SULF1: variants seen among roughly 807,000 people sequenced by gnomAD.
SULF1 encodes the protein sulfatase 1.
Under a neutral mutation model 110.5 loss-of-function variants are expected in SULF1, and 46 were observed. The ratio of observed to expected loss-of-function variants is 0.42; its 90% CI spans 0.33 to 0.53. The LOEUF (loss-of-function observed/expected upper bound fraction) is 0.53, where lower values mean the gene tolerates loss of function less well. Among genes scored for constraint, SULF1 ranks in the 20% least tolerant of loss-of-function variants. The pLI is 0.12. For synonymous variants in SULF1, 371 were observed against 387.1 expected (o/e 0.96, Z 0.49); for missense variants, 941 against 1,094.2 (o/e 0.86, Z 1.98).
In SULF1 at chr8:69,640,800, T is replaced by C. The variant is rs778154579; in HGVS notation, c.2552-8T>C. On this transcript the variant is annotated splice_region_variant and splice_polypyrimidine_tract_variant and intron_variant, in intron 21 of 22. Coordinates refer to ENST00000402687, the MANE Select transcript of SULF1 (RefSeq NM_001128205.2). ...AACAGAAATTACTCTTGTATTTTCC[T>C]ATATCAGGAAATAAAGATGGAGGAA... The C allele has an allele frequency of 6.2e-7, 1 of 1,611,170 alleles. No homozygotes were observed. Among genetic ancestry groups the C allele is most frequent in the Admixed American group, 1.7e-5 (1 of 59,486 alleles).
intron 3 of SULF1, among the ~76,000 whole-genome samples, chr8:69,521,150 A>G (rs1803112970): frequency 6.6e-6 from 1 of 152,198 alleles, no homozygotes; most frequent in Admixed American, 6.5e-5. Flanking sequence ...TAAATAGCTC[A>G]GAAAGACCAG....
Position 69,589,072 on chromosome 8 carries a change from C to G in SULF1, c.665C>G (p.Ala222Gly). The G allele has an allele frequency of 6.2e-7, 1 of 1,614,204 alleles. No homozygotes were observed. Among genetic ancestry groups the G allele is most frequent in the Non-Finnish European group, 8.5e-7 (1 of 1,180,016 alleles). ...CCCGTTATGATGGTGATCAGCCACGCTGCGCCCCACGGCCCCGAGGACTCA... is the reference window on the plus strand; with the variant it reads ...CCCGTTATGATGGTGATCAGCCACGGTGCGCCCCACGGCCCCGAGGACTCA... ...HRPVMMVISH[A>G]APHGPEDSAP... Residue 222 changes from alanine to glycine, a missense_variant, in exon 8 of 23, where the codon GCT (alanine) becomes GGT (glycine). Physicochemically the swap from Ala to Gly is moderately conservative, Grantham distance 60. This residue lies in a region of SULF1 where 822 missense variants were observed against 934.3 expected (regional missense o/e 0.88). Coordinates refer to ENST00000402687, the MANE Select transcript of SULF1 (RefSeq NM_001128205.2).
chr8:69,555,241 C>T (rs1035191985), intron 3 of SULF1, among the ~76,000 whole-genome samples: 2 of 152,110 alleles, frequency 1.3e-5, no homozygotes, highest in African/African-American at 2.4e-5. Context: ...TTTCCTGGTC[C>T]TCTATCTGCC....
At chr8:69,649,972 C>CTTTTTTTTTTTTTTTTTTTTTTTTTTT (rs536073966) in intron 22 of SULF1, among the ~76,000 whole-genome samples, 1 of 30,568 alleles carries the variant, frequency 3.3e-5, no homozygotes, top group African/African-American at 1.1e-4. Context: ...CTCCTGCTTG[C>CTTTTTTTTTTTTTTTTTTTTTTTTTTT]TTTTTTTTTT....
chr8:69,519,981 C>T (rs1289609393), intron 3 of SULF1, among the ~76,000 whole-genome samples: 3 of 152,026 alleles, frequency 2.0e-5, no homozygotes, highest in Non-Finnish European at 2.9e-5. Flanking sequence ...CAAGAGGTTT[C>T]GTATAAGAAA....
At chr8:69,656,098 G>A (rs1586648724) in intron 22 of SULF1, among the ~76,000 whole-genome samples, 1 of 148,722 alleles carries the variant, frequency 6.7e-6, no homozygotes, top group South Asian at 2.1e-4. Flanking sequence ...ATACTTGAAG[G>A]AGATCTGGAC....
chr8:69,656,640 T>A (rs6994789), intron 22 of SULF1, among the ~76,000 whole-genome samples: 86,102 of 152,070 alleles, frequency 0.57, 24,987 homozygotes, highest in African/African-American at 0.7. Context: ...TGTCCCTGAA[T>A]AGGAAATGAT....
intron 22 of SULF1, among the ~76,000 whole-genome samples, chr8:69,653,002 T>G (rs1812464431): frequency 1.3e-5 from 2 of 152,344 alleles, no homozygotes; most frequent in South Asian, 4.1e-4. Flanking sequence ...CGGCAAACTA[T>G]TTTCCTGAGC....
chr8:69,538,432 A>G (rs905572706), intron 3 of SULF1, among the ~76,000 whole-genome samples: 3 of 152,172 alleles, frequency 2.0e-5, no homozygotes. Flanking sequence ...GGTTAAGTGC[A>G]GTAATGCACT....
chr8:69,523,816 G>A (rs1357966248), intron 3 of SULF1, among the ~76,000 whole-genome samples: 1 of 152,110 alleles, frequency 6.6e-6, no homozygotes, highest in Non-Finnish European at 1.5e-5. Flanking sequence ...TGATCAGAGA[G>A]TGGGATGCAT....
chr8:69,533,647 C>T (rs77813747), intron 3 of SULF1, among the ~76,000 whole-genome samples: 1 of 152,044 alleles, frequency 6.6e-6, no homozygotes, highest in Admixed American at 6.5e-5. Flanking sequence ...TTTATCCAGT[C>T]TATCATTGAT....
At chr8:69,526,873 G>A (rs1812733793) in intron 3 of SULF1, among the ~76,000 whole-genome samples, 1 of 124,348 alleles carries the variant, frequency 8.0e-6, no homozygotes, top group Non-Finnish European at 1.8e-5. Context: ...AAGGAGGAAG[G>A]GAAGGGAAGG....
chr8:69,546,267 T>C (rs1814253298), intron 3 of SULF1, among the ~76,000 whole-genome samples: 1 of 152,218 alleles, frequency 6.6e-6, no homozygotes, highest in Non-Finnish European at 1.5e-5. Flanking sequence ...AGAAATGAGA[T>C]GAGTTCACAG....
intron 19 of SULF1, among the ~76,000 whole-genome samples, chr8:69,633,022 GAAAA>G (rs111362479): frequency 5.2e-5 from 5 of 96,922 alleles, no homozygotes; most frequent in African/African-American, 1.1e-4. Flanking sequence ...CATGTCAGAA[GAAAA>G]AAAAAAAAGA....
chr8:69,541,660 C>T (rs965268474), intron 3 of SULF1, among the ~76,000 whole-genome samples: 4 of 152,160 alleles, frequency 2.6e-5, no homozygotes, highest in Non-Finnish European at 4.4e-5. Flanking sequence ...ACCACAGAAA[C>T]ACAGAACCCT....
At chr8:69,503,862 C>T (rs887198017) in intron 3 of SULF1, among the ~76,000 whole-genome samples, 7 of 151,904 alleles carry the variant, frequency 4.6e-5, no homozygotes, top group Admixed American at 6.5e-5. Context: ...TGCAGTGGCA[C>T]GATCTTAGCT....
At chr8:69,594,422 A>C (rs1308755973) in intron 8 of SULF1, among the ~76,000 whole-genome samples, 1 of 136,398 alleles carries the variant, frequency 7.3e-6, no homozygotes, top group Non-Finnish European at 1.5e-5. Flanking sequence ...GTGCATGTAC[A>C]CTCACACACA....
chr8:69,484,738 T>G (rs1045670311), intron 1 of SULF1, among the ~76,000 whole-genome samples: 7 of 152,146 alleles, frequency 4.6e-5, no homozygotes, highest in Admixed American at 3.9e-4. Flanking sequence ...AGATAGGATT[T>G]AAAAAAGGAG....
At chr8:69,586,315 A>G in intron 6 of SULF1, 42 bp from the exon 7 acceptor site, 1 of 1,523,144 alleles carries the variant, frequency 6.6e-7, no homozygotes. Flanking sequence ...TTTATGATTA[A>G]TCATTTTACG....
Sources: gnomAD v4.1 joint callset for allele counts (sites outside exome capture counted in the v4.1 genomes callset) on GRCh38, gnomAD v4.1.1 for gene constraint, gnomAD v4.1.1 regional missense constraint, MANE v1.5 for transcripts, NCBI Gene and HGNC (gene_info 2026-07-23, HGNC 2026-07-21) for gene names.